The following QSER1 variants were observed in gnomAD, a reference collection of about 807,000 sequenced individuals.
The protein encoded by QSER1 is glutamine and serine-rich protein 1.
A neutral mutation model predicts 158.5 loss-of-function variants in QSER1; 49 were observed. The observed-to-expected ratio is 0.31, with a 90% CI of 0.25 to 0.39. The LOEUF is 0.39. Ranked by LOEUF, QSER1 falls within the 10% of genes least tolerant of loss-of-function variation. QSER1 has a pLI of 1.00. For synonymous variants in QSER1, 650 were observed against 715.5 expected, an observed-to-expected ratio of 0.91 and a Z score of 1.46; for missense variants, 1,754 against 2,010.3, an observed-to-expected ratio of 0.87 and a Z score of 2.44.
rs1286969962 is a variant in QSER1, at chr11:32,932,065, T to C, written c.807T>C (p.Ser269=). The stretch of plus-strand genomic sequence containing the variant: ...CAACATACCGCTCAGCTCAAGAGTC[T>C]GCACCCCATCTTTTACAACCTCAAT... ...QSSTYRSAQE[S]APHLLQPQFS... is the part of the protein sequence containing the mutation. The change falls in exon 4 of 13, where the codon TCT becomes TCC. Residue 269 remains serine, a synonymous_variant. Coordinates refer to ENST00000650167, the MANE Select transcript of QSER1 (RefSeq NM_001076786.3). 5 of 1,614,114 alleles carry C rather than the reference T, an allele frequency of 3.1e-6. No individual in the cohort carries two copies. The highest frequency in any genetic ancestry group is 4.2e-6 in the Non-Finnish European group (5 of 1,180,050).
intron 9 of QSER1, 131 bp downstream of exon 9, chr11:32,966,568 C>A: frequency 1.4e-6 from 1 of 703,758 alleles, no homozygotes; most frequent in Non-Finnish European, 2.1e-6. Context: ...AAATATATAG[C>A]ATCTTAATTC....
chr11:32,938,213 A>T (rs1237034190), intron 4 of QSER1, among the ~76,000 whole-genome samples: 1 of 152,170 alleles, frequency 6.6e-6, no homozygotes, highest in African/African-American at 2.4e-5. Context: ...AGTATATAGT[A>T]ACCTCTCAGG....
In QSER1 at chr11:32,980,073, A is replaced by C. The variant is rs1053774470; in HGVS notation, c.*3599A>C. The C allele has an allele frequency of 3.9e-5, 6 of 152,770 alleles. No individual in the cohort carries two copies. The highest frequency in any genetic ancestry group is 1.4e-4 in the African/African-American group (6 of 41,580). The allele number at this position is 152,770 out of a possible 1,614,324, so 9.5% of individuals were successfully genotyped here. A position where few individuals can be genotyped will look rare whatever the true frequency, so the allele number is the denominator to read the frequency against. On this transcript the variant is annotated 3_prime_UTR_variant, in exon 13 of 13. Coordinates refer to ENST00000650167, the MANE Select transcript of QSER1 (RefSeq NM_001076786.3). ...ATAATTTTTGGCATCTGTGTTCACA[A>C]ATGCATGTGTTAGCAAATCACCTTT...
intron 4 of QSER1, among the ~76,000 whole-genome samples, chr11:32,942,283 T>G (rs2133563914): frequency 6.9e-6 from 1 of 144,362 alleles, no homozygotes; most frequent in East Asian, 2.0e-4. Context: ...TTGCTTTTGG[T>G]GTTTTAGACA....
intron 1 of QSER1, among the ~76,000 whole-genome samples, chr11:32,923,752 G>A (rs1020159377): frequency 1.4e-4 from 21 of 151,658 alleles, no homozygotes; most frequent in Non-Finnish European, 2.9e-4. Flanking sequence ...GGTGGATCAC[G>A]AGATCAGAAG....
At chr11:32,974,243 A>G (rs1407046730) in intron 11 of QSER1, among the ~76,000 whole-genome samples, 1 of 152,116 alleles carries the variant, frequency 6.6e-6, no homozygotes, top group Non-Finnish European at 1.5e-5. Context: ...CAACAAAGCA[A>G]GGCCCCATGT....
At chr11:32,955,456 T>C in intron 6 of QSER1, 44 bp downstream of exon 6, 2 of 914,026 alleles carry the variant, frequency 2.2e-6, no homozygotes, top group Non-Finnish European at 1.7e-6. Context: ...TTGACAGTGG[T>C]CCTGAGAAAA....
At position 32,965,988 on chromosome 11, in the gene QSER1, A is replaced by ACACACACACAC. The variant is rs1852739131; in HGVS notation, c.4970-312_4970-311insCACACACACAC. 2.1e-3 allele frequency among the ~76,000 whole-genome samples: 72 copies of ACACACACACAC among 33,912 alleles called. 1 individual carries two copies. The highest frequency in any genetic ancestry group is 0.033 in the Middle Eastern group (2 of 60). 22.2% of individuals were successfully genotyped at this position (33,912 alleles called of 152,430 possible). ...ACACACACACACACACACACACACGAATCACCTAGGAAGCTTTTTAAGAGC... is the reference window on the plus strand; with the variant it reads ...ACACACACACACACACACACACACGACACACACACACATCACCTAGGAAGCTTTTTAAGAGC... On this transcript the variant is annotated intron_variant, in intron 8 of 12. Transcript: ENST00000650167.
chr11:32,954,260 T>A (rs981179642), intron 5 of QSER1, 81 bp downstream of exon 5: 2 of 1,469,754 alleles, frequency 1.4e-6, no homozygotes, highest in Non-Finnish European at 1.8e-6. Context: ...TTCAATAGCA[T>A]GCATCTACTT....
At chr11:32,965,204 G>A (rs533443100) in intron 8 of QSER1, among the ~76,000 whole-genome samples, 12 of 151,826 alleles carry the variant, frequency 7.9e-5, no homozygotes, top group East Asian at 1.9e-4. Context: ...CTCAACCTCC[G>A]GGACTCAAGC....
chr11:32,956,099 A>G lies in QSER1; in HGVS notation c.4729A>G (p.Asn1577Asp). 5.6e-6 allele frequency: 9 copies of G among 1,611,624 alleles called. No homozygotes were observed. Among genetic ancestry groups the G allele is most frequent in the Non-Finnish European group, 7.6e-6 (9 of 1,178,718 alleles). ...CAGAGTGTGTTCTAAAAAGCCAAGAAATAAACCTTCACAAACTATCAGGTA... is the reference window on the plus strand; with the variant it reads ...CAGAGTGTGTTCTAAAAAGCCAAGAGATAAACCTTCACAAACTATCAGGTA... The part of the protein sequence containing the change: ...YVRVCSKKPR[N>D]KPSQTIRTVQ... The change falls in exon 7 of 13, where the codon AAT becomes GAT. Residue 1577 changes from asparagine (N) to aspartate (D), a missense_variant. Physicochemically the swap from Asn to Asp is conservative, Grantham distance 23. Coordinates refer to ENST00000650167, the MANE Select transcript of QSER1 (RefSeq NM_001076786.3).
chr11:32,976,715 A>G lies in QSER1; in HGVS notation c.*241A>G. 2 of 392,348 alleles carry G rather than the reference A, an allele frequency of 5.1e-6. No individual in the cohort carries two copies. Among genetic ancestry groups the G allele is most frequent in the Non-Finnish European group, 9.1e-6 (2 of 220,474 alleles). 24.3% of individuals were successfully genotyped at this position (392,348 alleles called of 1,614,324 possible). A position where few individuals can be genotyped will look rare whatever the true frequency, so the allele number is the denominator to read the frequency against. On this transcript the variant is annotated 3_prime_UTR_variant, in exon 13 of 13. Transcript: ENST00000650167. ...AATGAATGATTTTTCTATTTTGTAA[A>G]CCATTGGGTAACTTGAGTCATATTT...
At chr11:32,920,797 A>C (rs1020640665) in intron 1 of QSER1, among the ~76,000 whole-genome samples, 5 of 152,228 alleles carry the variant, frequency 3.3e-5, no homozygotes, top group African/African-American at 9.6e-5. Flanking sequence ...AATGCAAATC[A>C]GAACCACTCC....
rs1335713448 is a variant in QSER1, at chr11:32,947,184, C to T, written c.4178-6673C>T. Among the ~76,000 whole-genome samples the T allele has an allele frequency of 3.9e-5, 6 of 152,332 alleles. No homozygotes were observed. The East Asian group carries it at 1.2e-3, about 29-fold the overall frequency. On this transcript the variant is annotated intron_variant, in intron 4 of 12. Coordinates refer to ENST00000650167, the MANE Select transcript of QSER1 (RefSeq NM_001076786.3). Reference sequence around the variant, plus strand: ...CTCAGATGGAAATGCAGAAATCACCCGTCTTCTGCGTCGCTCAGGCTGGGA... The same window carrying T: ...CTCAGATGGAAATGCAGAAATCACCTGTCTTCTGCGTCGCTCAGGCTGGGA...
rs536670924 is a variant in QSER1 at position 32,935,023 on chromosome 11, G to T, written c.3765G>T (p.Gln1255His). 18 of 1,614,034 alleles carry T rather than the reference G, an allele frequency of 1.1e-5. No homozygotes were observed. The East Asian group carries it at 1.8e-4, about 16-fold the overall frequency. Reference sequence around the variant, plus strand: ...CAGAAAGCTGCCATGATGGTTATCAGCATCAAGAAAAAATGAGACAGAAGA... The same window carrying T: ...CAGAAAGCTGCCATGATGGTTATCATCATCAAGAAAAAATGAGACAGAAGA... ...PSSESCHDGY[Q>H]HQEKMRQKIK... Residue 1255 changes from glutamine to histidine, a missense_variant, in exon 4 of 13, where the codon CAG becomes CAT. Transcript: ENST00000650167.
intron 1 of QSER1, among the ~76,000 whole-genome samples, chr11:32,918,239 A>C (rs886924100): frequency 2.0e-5 from 3 of 152,176 alleles, no homozygotes; most frequent in African/African-American, 7.2e-5. Context: ...CCAGTGAATA[A>C]AGCAAAGGCC....
chr11:32,973,339 G>A, intron 10 of QSER1, 58 bp from the exon 11 acceptor site: 1 of 1,573,270 alleles, frequency 6.4e-7, no homozygotes, highest in South Asian at 1.1e-5. Context: ...TAGATAGCTA[G>A]AAGTAGTTTA....
intron 1 of QSER1, among the ~76,000 whole-genome samples, chr11:32,900,997 A>G (rs1447145500): frequency 6.6e-6 from 1 of 152,234 alleles, no homozygotes; most frequent in Non-Finnish European, 1.5e-5. Context: ...GATAGAATGC[A>G]TGTTCCATGA....
intron 1 of QSER1, among the ~76,000 whole-genome samples, chr11:32,912,936 A>G (rs1015897679): frequency 6.6e-6 from 1 of 152,032 alleles, no homozygotes; most frequent in Non-Finnish European, 1.5e-5. Context: ...TTTAACTCTT[A>G]CTAAAATTCT....
Sources: gnomAD v4.1 joint callset for allele counts (sites outside exome capture counted in the v4.1 genomes callset) on GRCh38, gnomAD v4.1.1 for gene constraint, MANE v1.5 for transcripts, NCBI Gene and HGNC (gene_info 2026-07-23, HGNC 2026-07-21) for gene names.